ACOT1: variants seen among roughly 807,000 people sequenced by gnomAD.
ACOT1 encodes the protein acyl-CoA thioesterase 1.
Under a neutral mutation model 15.7 loss-of-function variants are expected in ACOT1, and 8 were observed. The observed-to-expected ratio is 0.51, with a 90% confidence interval of 0.30 to 0.92. The LOEUF (loss-of-function observed/expected upper bound fraction) is 0.92, where lower values mean the gene tolerates loss of function less well. Ranked by LOEUF, ACOT1 falls within the 40% of genes least tolerant of loss-of-function variation. ACOT1 has a pLI of 0.06. For missense variants in ACOT1, 151 were observed against 539.4 expected, an observed-to-expected ratio of 0.28 and a Z score of 7.13; for synonymous variants, 67 against 241.2, an observed-to-expected ratio of 0.28 and a Z score of 6.69.
the ACOT1 span, chr14:73,507,998 G>A: frequency 1.3e-5 from 10 of 767,976 alleles, no homozygotes; most frequent in South Asian, 3.4e-5. Flanking sequence ...CACCTGCCTC[G>A]GCCTCCCGAA....
chr14:73,491,602 C>A, the ACOT1 span: 24 of 1,546,968 alleles, frequency 1.6e-5, no homozygotes, highest in Non-Finnish European at 2.0e-5. Flanking sequence ...TGAACCGCAT[C>A]CCCAGCAGCC....
At chr14:73,540,745 T>C (rs1889052006) in intron 1 of ACOT1, among the ~76,000 whole-genome samples, 2 of 56,012 alleles carry the variant, frequency 3.6e-5, no homozygotes, top group Non-Finnish European at 5.5e-5. Flanking sequence ...TTGCATTCTT[T>C]TTTTTTTTTT....
At chr14:73,492,623 G>A in the ACOT1 span, 1 of 1,614,024 alleles carries the variant, frequency 6.2e-7, no homozygotes, top group South Asian at 1.1e-5. This position sits in a 1 kb window ranked among gnomAD's most constrained non-coding sequence, Gnocchi z 4.9. Context: ...TGGAGAACCT[G>A]TAAACGTGGG....
chr14:73,537,215 C>T lies in ACOT1; in HGVS notation c.-207C>T. 2 of 448,842 alleles carry T rather than the reference C, an allele frequency of 4.5e-6. 1 individual carries two copies. 27.8% of individuals were successfully genotyped at this position (448,842 alleles called of 1,614,324 possible). A position where few individuals can be genotyped will look rare whatever the true frequency, so the allele number is the denominator to read the frequency against. ...TTCCAACATAAAGTGGAGGTTTCAA[C>T]ACAGGAGACTTTAAGCAAGTTCCAG... On this transcript the variant is annotated 5_prime_UTR_variant, in exon 1 of 3. Transcript: ENST00000311148.
At chr14:73,506,420 C>T in the ACOT1 span, 2 of 1,400,802 alleles carry the variant, frequency 1.4e-6, no homozygotes, top group Non-Finnish European at 2.0e-6. Context: ...CTCTGTAGCT[C>T]AGCCTCTCTT....
the ACOT1 span, chr14:73,502,925 C>G: frequency 6.2e-7 from 1 of 1,613,800 alleles, no homozygotes; most frequent in African/African-American, 1.3e-5. Context: ...TTTCCCGAGG[C>G]TCATTTGCCC....
At chr14:73,522,623 C>G in the ACOT1 span, 2 of 1,614,020 alleles carry the variant, frequency 1.2e-6, no homozygotes, top group Non-Finnish European at 1.7e-6. Context: ...AGAAGGTGGC[C>G]GACCCAGCAT....
the ACOT1 span, chr14:73,512,238 AC>A: frequency 6.9e-7 from 1 of 1,446,512 alleles, no homozygotes; most frequent in Non-Finnish European, 9.5e-7. Context: ...TCTGCCCTTC[AC>A]CCAGAATAAT....
intron 1 of ACOT1, among the ~76,000 whole-genome samples, chr14:73,540,009 C>T (rs1242524299): frequency 1.7e-5 from 2 of 116,736 alleles, no homozygotes; most frequent in Non-Finnish European, 3.8e-5. Context: ...AGAAATGATG[C>T]TTATCCTTAT....
the ACOT1 span, chr14:73,495,130 C>G: frequency 2.9e-6 from 3 of 1,027,776 alleles, no homozygotes; most frequent in African/African-American, 4.8e-5. Context: ...CTGACTCTTT[C>G]ATCCTCTAAG....
chr14:73,531,345 C>G, the ACOT1 span: 1 of 111,328 alleles, frequency 9.0e-6, no homozygotes, highest in African/African-American at 2.9e-5. Flanking sequence ...AAATTTCCTT[C>G]TTTGTAAACT....
chr14:73,522,153 G>A, the ACOT1 span: 1 of 1,037,816 alleles, frequency 9.6e-7, no homozygotes, highest in African/African-American at 1.6e-5. Context: ...GGCCGGTGGT[G>A]GAGAACATGA....
the ACOT1 span, among the ~76,000 whole-genome samples, chr14:73,505,596 A>C: frequency 6.6e-6 from 1 of 151,856 alleles, no homozygotes; most frequent in Non-Finnish European, 1.5e-5. Context: ...GGATTTCACT[A>C]TGTTGGCCAG....
At chr14:73,519,171 C>G in the ACOT1 span, 9 of 1,609,452 alleles carry the variant, frequency 5.6e-6, no homozygotes, top group South Asian at 1.0e-4. Context: ...CATCTGTGAA[C>G]AGACAAAGAA....
At chr14:73,505,225 G>A in the ACOT1 span, among the ~76,000 whole-genome samples, 2 of 152,160 alleles carry the variant, frequency 1.3e-5, no homozygotes, top group Admixed American at 1.3e-4. Context: ...CCCCTTCACA[G>A]AACTTTAACC....
At chr14:73,511,712 CA>C in the ACOT1 span, among the ~76,000 whole-genome samples, 1 of 151,874 alleles carries the variant, frequency 6.6e-6, no homozygotes, top group South Asian at 2.1e-4. Context: ...CAGTCTCTAC[CA>C]AAAACAAAAA....
At chr14:73,491,343 C>G in the ACOT1 span, 1 of 1,441,426 alleles carries the variant, frequency 6.9e-7, no homozygotes, top group Admixed American at 2.8e-5. Context: ...CTGGAGGCCT[C>G]GCCCGCCGCG....
chr14:73,513,979 T>G, the ACOT1 span: 12 of 1,562,514 alleles, frequency 7.7e-6, no homozygotes, highest in South Asian at 2.2e-5. Flanking sequence ...TAGTCCCAGA[T>G]GAGAACCACT....
In ACOT1 at chr14:73,537,686, C is replaced by T. The variant is rs534788595; in HGVS notation, c.265C>T (p.Pro89Ser). The T allele has an allele frequency of 1.1e-3, 1,316 of 1,248,094 alleles. 369 individuals are homozygous for T. The highest frequency in any genetic ancestry group is 1.5e-3 in the Admixed American group (64 of 41,624). 77.3% of individuals were successfully genotyped at this position (1,248,094 alleles called of 1,614,324 possible). ...GLLWALEPEK[P>S]LVRLVKRDVR... ...GCTCTGGGCCTTGGAGCCCGAGAAA[C>T]CCTTGGTGCGGCTGGTGAAGCGCGA... is the stretch of plus-strand genomic sequence containing the variant. Residue 89 changes from proline (P) to serine (S), a missense_variant, in exon 1 of 3, where the codon CCC becomes TCC. Transcript: ENST00000311148.
Sources: allele counts gnomAD v4.1 joint callset (sites outside exome capture counted in the v4.1 genomes callset), GRCh38; gene constraint gnomAD v4.1.1; non-coding constraint Gnocchi (gnomAD v3.1); transcripts MANE v1.5; gene names NCBI Gene and HGNC (gene_info 2026-07-23, HGNC 2026-07-21).